Variants in ATF7IP observed in about 807,000 individuals in gnomAD.
ATF7IP encodes the protein activating transcription factor 7 interacting protein.
A neutral mutation model predicts 106.4 loss-of-function variants in ATF7IP; 23 were observed. That is an observed-to-expected ratio of 0.22 (90% CI 0.16 to 0.31). The LOEUF (loss-of-function observed/expected upper bound fraction) is 0.31. Ranked by LOEUF, ATF7IP falls within the 10% of genes least tolerant of loss-of-function variation. ATF7IP has a pLI of 1.00. For synonymous variants in ATF7IP, 542 were observed against 539.0 expected (o/e 1.01, Z -0.08); for missense variants, 1,334 against 1,524.3 (o/e 0.88, Z 2.08).
chr12:14,483,005 T>C (rs999141183), intron 13 of ATF7IP, among the ~76,000 whole-genome samples: 1 of 152,228 alleles, frequency 6.6e-6, no homozygotes, highest in African/African-American at 2.4e-5. Flanking sequence ...GATATTTTCT[T>C]GTACAAGTGT....
intron 6 of ATF7IP, among the ~76,000 whole-genome samples, chr12:14,449,760 A>G (rs934242389): frequency 2.0e-5 from 3 of 151,540 alleles, no homozygotes; most frequent in African/African-American, 7.2e-5. Context: ...TAGGGATTGC[A>G]TTGAATCTGC....
intron 1 of ATF7IP, among the ~76,000 whole-genome samples, chr12:14,386,917 T>C (rs1939270181): frequency 6.6e-6 from 1 of 152,198 alleles, no homozygotes; most frequent in Admixed American, 6.5e-5. Flanking sequence ...GTACATGACT[T>C]AACAGTTTAA....
chr12:14,490,493 C>G (rs1944777768), intron 13 of ATF7IP, among the ~76,000 whole-genome samples: 1 of 152,214 alleles, frequency 6.6e-6, no homozygotes, highest in African/African-American at 2.4e-5. Flanking sequence ...GCAAAGCACA[C>G]AGCCTGATGC....
intron 2 of ATF7IP, among the ~76,000 whole-genome samples, chr12:14,431,232 T>C (rs1251561951): frequency 6.6e-6 from 1 of 152,172 alleles, no homozygotes; most frequent in African/African-American, 2.4e-5. Flanking sequence ...TGAGATCTGG[T>C]ATCTGCCCTT....
intron 5 of ATF7IP, among the ~76,000 whole-genome samples, chr12:14,444,689 T>C (rs1308319678): frequency 6.6e-6 from 1 of 152,168 alleles, no homozygotes; most frequent in African/African-American, 2.4e-5. Context: ...ATCAGAAAAC[T>C]ATAAATCAGT....
chr12:14,426,302 A>T (rs1941844136), intron 2 of ATF7IP, among the ~76,000 whole-genome samples: 1 of 152,104 alleles, frequency 6.6e-6, no homozygotes, highest in Admixed American at 6.5e-5. Context: ...AAACTTTCTA[A>T]GCCTGTGGAA....
chr12:14,385,310 T>C, intron 1 of ATF7IP: 1 of 1,298,758 alleles, frequency 7.7e-7, no homozygotes. Flanking sequence ...ACTGTGCAGC[T>C]GTCTCAAAAT....
rs188236260 is a variant in ATF7IP, at chr12:14,379,085, T to C, written c.-8+13258T>C. Among the ~76,000 whole-genome samples, 243 of 152,336 alleles carry C rather than the reference T, an allele frequency of 1.6e-3. 2 individuals are homozygous for C. The highest frequency in any genetic ancestry group is 2.1e-3 in the Non-Finnish European group (145 of 68,030). On this transcript the variant is annotated intron_variant, in intron 1 of 14. Coordinates refer to ENST00000261168, the MANE Select transcript of ATF7IP (RefSeq NM_018179.5). Reference sequence around the variant, plus strand: ...TCTAATGTTAAATCATAATCCTCTATGTTGGAGGTGGGGCCTCGTGGGAGA... The same window carrying C: ...TCTAATGTTAAATCATAATCCTCTACGTTGGAGGTGGGGCCTCGTGGGAGA...
At chr12:14,474,942 AATCATTATTGT>A (rs1415594657) in intron 10 of ATF7IP, among the ~76,000 whole-genome samples, 1 of 152,182 alleles carries the variant, frequency 6.6e-6, no homozygotes, top group East Asian at 1.9e-4. Context: ...TTTTCTGTGA[AATCATTATTGT>A]AGAAAGATTT....
Position 14,456,319 on chromosome 12 carries a change from AT to A in ATF7IP, c.1996-240del, listed in dbSNP as rs111674295. Among the ~76,000 whole-genome samples the A allele has an allele frequency of 5.2e-3, 787 of 152,326 alleles. 3 individuals are homozygous for A. Among genetic ancestry groups the A allele is most frequent in the East Asian group, 0.015 (78 of 5,188 alleles). On this transcript the variant is annotated intron_variant, in intron 6 of 14. Coordinates refer to ENST00000261168, the MANE Select transcript of ATF7IP (RefSeq NM_018179.5). Reference sequence around the variant, plus strand: ...TTCATAAGAACACTGAGATGCAGGAATTATTATATTAATCTCTCAAATGATA... The same window carrying A: ...TTCATAAGAACACTGAGATGCAGGAATATTATATTAATCTCTCAAATGATA...
chr12:14,436,273 A>G, intron 4 of ATF7IP, 22 bp downstream of exon 4: 1 of 1,594,736 alleles, frequency 6.3e-7, no homozygotes, highest in Non-Finnish European at 8.6e-7. Flanking sequence ...ATTATAAGTT[A>G]TAAACCATAT....
At chr12:14,428,326 A>G (rs1443648066) in intron 2 of ATF7IP, among the ~76,000 whole-genome samples, 7 of 152,198 alleles carry the variant, frequency 4.6e-5, no homozygotes, top group Admixed American at 3.3e-4. Context: ...ATTTTTGGTT[A>G]CTTGCCTTTA....
Position 14,475,798 on chromosome 12 carries a change from T to C in ATF7IP, c.2863-92T>C. On this transcript the variant is annotated intron_variant, in intron 10 of 14. Coordinates refer to ENST00000261168, the MANE Select transcript of ATF7IP (RefSeq NM_018179.5). ...GGTCCAGATTGAACCAGGTTACTCATTAGTCTCATTTTACCTCACTTATCA... is the reference window on the plus strand; with the variant it reads ...GGTCCAGATTGAACCAGGTTACTCACTAGTCTCATTTTACCTCACTTATCA... 2 of 925,772 alleles carry C rather than the reference T, an allele frequency of 2.2e-6. 1 individual carries two copies. The allele number at this position is 925,772 out of a possible 1,614,324, so 57.3% of individuals were successfully genotyped here.
intron 13 of ATF7IP, among the ~76,000 whole-genome samples, chr12:14,493,598 A>G (rs376462264): frequency 5.3e-5 from 8 of 152,272 alleles, no homozygotes; most frequent in African/African-American, 1.7e-4. Context: ...CTGGCAAAAA[A>G]GCTTCATCAG....
At chr12:14,399,819 T>A (rs1319780807) in intron 1 of ATF7IP, among the ~76,000 whole-genome samples, 1 of 152,234 alleles carries the variant, frequency 6.6e-6, no homozygotes, top group African/African-American at 2.4e-5. Flanking sequence ...TGACCTTTTG[T>A]TTGAATTCTT....
Position 14,460,498 on chromosome 12 carries a change from C to A in ATF7IP, c.2162C>A (p.Ser721Tyr). 6.2e-7 allele frequency: 1 copy of A among 1,612,042 alleles called. No homozygotes were observed. Among genetic ancestry groups the A allele is most frequent in the South Asian group, 1.1e-5 (1 of 90,896 alleles). The change falls in exon 9 of 15, where the codon TCT becomes TAT. Residue 721 changes from serine to tyrosine, a missense_variant. Around this residue, in one of 10 missense-constraint regions of ATF7IP, gnomAD observed 171 missense variants for 172.6 expected, o/e 0.99. Transcript: ENST00000261168. The stretch of plus-strand genomic sequence containing the variant: ...GGCTTCTGTTTTCTTTCTATAGTAT[C>A]TTCAACCAATCTTGTCACTCCTCCA... ...PSFQTPVNTV[S>Y]STNLVTPPAV...
intron 1 of ATF7IP, among the ~76,000 whole-genome samples, chr12:14,402,464 G>A (rs1940294652): frequency 1.3e-5 from 2 of 151,008 alleles, no homozygotes; most frequent in Admixed American, 1.3e-4. Flanking sequence ...TTTTTCTTTA[G>A]TCACCTCCCT....
intron 1 of ATF7IP, among the ~76,000 whole-genome samples, chr12:14,388,617 G>A (rs1418126896): frequency 1.3e-5 from 2 of 152,114 alleles, no homozygotes; most frequent in Non-Finnish European, 2.9e-5. Context: ...AAAGTGTTGG[G>A]ATTATAGGCA....
At chr12:14,484,024 A>G (rs1488069226) in intron 13 of ATF7IP, among the ~76,000 whole-genome samples, 4 of 152,142 alleles carry the variant, frequency 2.6e-5, no homozygotes, top group East Asian at 3.9e-4. Context: ...GTAAGTGTCT[A>G]TTCCAGGGAG....
Sources: allele counts gnomAD v4.1 joint callset (sites outside exome capture counted in the v4.1 genomes callset), GRCh38; gene constraint gnomAD v4.1.1; regional missense constraint gnomAD v4.1.1; transcripts MANE v1.5; gene names NCBI Gene and HGNC (gene_info 2026-07-23, HGNC 2026-07-21).